Variants in FN1 observed in about 807,000 individuals in gnomAD.
FN1 encodes the protein fibronectin 1, also known as fibronectin.
FN1 carries 106 observed loss-of-function variants against 297.3 expected under a neutral mutation model. The ratio of observed to expected loss-of-function variants is 0.36; its 90% CI spans 0.30 to 0.42. The LOEUF (loss-of-function observed/expected upper bound fraction) is 0.42. Ranked by LOEUF, FN1 falls within the 10% of genes least tolerant of loss-of-function variation. The pLI is 1.00. For synonymous variants in FN1, 1,149 were observed against 1,152.6 expected (o/e 1.00, Z 0.06); for missense variants, 2,690 against 3,124.9 (o/e 0.86, Z 3.32).
chr2:215,418,022 A>G (rs1181090992), intron 12 of FN1, among the ~76,000 whole-genome samples: 1 of 152,166 alleles, frequency 6.6e-6, no homozygotes, highest in African/African-American at 2.4e-5. Context: ...AAACAAACAA[A>G]CCATTCATAT....
intron 32 of FN1, chr2:215,381,849 C>T: frequency 1.4e-5 from 5 of 348,466 alleles, no homozygotes; most frequent in South Asian, 1.2e-4. Context: ...TTCAAATGCC[C>T]CAAACATAAA....
intron 29 of FN1, chr2:215,384,473 C>A: frequency 2.1e-6 from 1 of 467,236 alleles, no homozygotes; most frequent in South Asian, 2.8e-5. Flanking sequence ...AGCCCTCAAC[C>A]CAGGATTGCA....
chr2:215,393,838 G>GT (rs1354034106), intron 24 of FN1: 10 of 153,044 alleles, frequency 6.5e-5, no homozygotes, highest in African/African-American at 2.4e-4. Flanking sequence ...TGTAATTAGC[G>GT]TTAGTAAAAG....
At position 215,372,216 on chromosome 2, in the gene FN1, C is replaced by G. The variant is rs761218868; in HGVS notation, c.6407G>C (p.Ser2136Thr). The change falls in exon 40 of 46, where the codon AGT becomes ACT. Residue 2136 changes from serine to threonine, a missense_variant. Around this residue, in one of 3 missense-constraint regions of FN1, gnomAD observed 1,743 missense variants for 1,945.2 expected, o/e 0.90. Transcript: ENST00000354785. ...QLPGTSGQQP[S>T]VGQQMIFEEH... ...CTCAAAGATCATTTGTTGCCCAACA[C>G]TGGGTTGCTGACCAGAAGTGCCAGG... 6.2e-7 allele frequency: 1 copy of G among 1,614,206 alleles called. No individual in the cohort carries two copies.
Position 215,430,820 on chromosome 2 carries a change from A to G in FN1, c.580T>C (p.Ser194Pro), listed in dbSNP as rs747216607. Reference sequence around the variant, plus strand: ...TCCCACGTTTCTCCGACCACATAGGAAGTCCCAGCAGCATGATCAAAACAC... The same window carrying G: ...TCCCACGTTTCTCCGACCACATAGGGAGTCCCAGCAGCATGATCAAAACAC... ...EKCFDHAAGT[S>P]YVVGETWEKP... Residue 194 changes from serine to proline, a missense_variant, in exon 5 of 46, where the codon TCC (serine) becomes CCC (proline). Transcript: ENST00000354785. 1 of 1,614,154 alleles carries G rather than the reference A, an allele frequency of 6.2e-7. No homozygotes were observed. The highest frequency in any genetic ancestry group is 1.1e-5 in the South Asian group (1 of 91,084).
At chr2:215,406,922 G>C (rs181219624) in intron 18 of FN1, among the ~76,000 whole-genome samples, 1 of 152,174 alleles carries the variant, frequency 6.6e-6, no homozygotes, top group Non-Finnish European at 1.5e-5. Context: ...GTAGATGGAC[G>C]TTATGGTGTC....
intron 5 of FN1, among the ~76,000 whole-genome samples, chr2:215,430,123 A>G (rs528005432): frequency 2.7e-4 from 41 of 152,348 alleles, no homozygotes; most frequent in African/African-American, 9.6e-4. Flanking sequence ...AACAGGTTCA[A>G]ATTATTTGGA....
intron 33 of FN1, chr2:215,380,574 T>G: frequency 3.5e-6 from 2 of 572,520 alleles, no homozygotes; most frequent in Non-Finnish European, 6.2e-6. Flanking sequence ...TCAAATGTCT[T>G]GCTTTATGGT....
Position 215,397,749 on chromosome 2 carries a change from C to T in FN1, c.3448G>A (p.Val1150Ile), listed in dbSNP as rs767986025. The T allele has an allele frequency of 5.1e-5, 83 of 1,613,398 alleles. 1 individual carries two copies. In the South Asian group the frequency reaches 6.9e-4, roughly 13 times the overall value. The part of the protein sequence containing the change: ...VSGLTPGVEY[V>I]YTIQVLRDGQ... The stretch of plus-strand genomic sequence containing the variant: ...TCTCTCAGGACTTGGATGGTGTAGA[C>T]GTATTCTACTCCTGGAGTCAAGCCG... Residue 1150 changes from valine (V) to isoleucine (I), a missense_variant, in exon 22 of 46, where the codon GTC becomes ATC. This residue lies in a region of FN1 where 1,743 missense variants were observed against 1,945.2 expected (regional missense o/e 0.90). Transcript: ENST00000354785.
In FN1 at chr2:215,394,596, T is replaced by C. The variant is rs774258594; in HGVS notation, c.3728A>G (p.Tyr1243Cys). 5.0e-6 allele frequency: 8 copies of C among 1,613,992 alleles called. No individual in the cohort carries two copies. The highest frequency in any genetic ancestry group is 2.7e-5 in the African/African-American group (2 of 74,926). Residue 1243 changes from tyrosine (Y) to cysteine (C), a missense_variant, in exon 24 of 46, where the codon TAC becomes TGC. Tyr to Cys is a radical substitution (Grantham distance 194). Transcript: ENST00000354785. The part of the protein sequence containing the change: ...TFDNLSPGLE[Y>C]NVSVYTVKDD... ...CTTGACAGTGTAAACACTGACATTGTACTCCAGGCCGGGACTCAGGTTATC... is the reference window on the plus strand; with the variant it reads ...CTTGACAGTGTAAACACTGACATTGCACTCCAGGCCGGGACTCAGGTTATC...
At chr2:215,381,835 GC>G in intron 32 of FN1, 1 of 346,798 alleles carries the variant, frequency 2.9e-6, no homozygotes, top group Non-Finnish European at 5.6e-6. Flanking sequence ...TCCAGCCATA[GC>G]CCTTCAAATG....
intron 15 of FN1, 88 bp downstream of exon 15, chr2:215,409,475 T>C (rs1435190461): frequency 4.8e-6 from 6 of 1,255,514 alleles, no homozygotes; most frequent in Non-Finnish European, 7.0e-6. Context: ...AAACCACAGA[T>C]ACCACCTGCC....
At chr2:215,368,066 TATTA>T in intron 41 of FN1, 39 bp from the exon 42 acceptor site, 1 of 1,605,254 alleles carries the variant, frequency 6.2e-7, no homozygotes, top group Non-Finnish European at 8.5e-7. Flanking sequence ...AGAGACATCT[TATTA>T]ATCGATTTGG....
intron 13 of FN1, among the ~76,000 whole-genome samples, chr2:215,413,511 A>G (rs529657410): frequency 2.0e-5 from 3 of 152,284 alleles, no homozygotes; most frequent in East Asian, 1.9e-4. Flanking sequence ...CCACAAGCCT[A>G]CTTTTTCCAT....
chr2:215,386,649 G>A (rs1482000869), intron 28 of FN1, 40 bp downstream of exon 28: 2 of 1,575,570 alleles, frequency 1.3e-6, no homozygotes, highest in African/African-American at 1.4e-5. Flanking sequence ...CAACTGGGTA[G>A]GAAAGTCTTC....
intron 45 of FN1, 74 bp downstream of exon 45, chr2:215,361,895 A>C: frequency 6.3e-7 from 1 of 1,585,206 alleles, no homozygotes; most frequent in Non-Finnish European, 8.6e-7. Flanking sequence ...CACTTGGTTC[A>C]TTCTGAAGAA....
Position 215,397,745 on chromosome 2 carries a change from T to G in FN1, c.3452A>C (p.Tyr1151Ser). Residue 1151 changes from tyrosine (Y) to serine (S), a missense_variant, in exon 22 of 46, where the codon TAC becomes TCC. Around this residue, in one of 3 missense-constraint regions of FN1, gnomAD observed 1,743 missense variants for 1,945.2 expected, o/e 0.90. Coordinates refer to ENST00000354785, the MANE Select transcript of FN1 (RefSeq NM_212482.4). The stretch of plus-strand genomic sequence containing the variant: ...TCCATCTCTCAGGACTTGGATGGTG[T>G]AGACGTATTCTACTCCTGGAGTCAA... The part of the protein sequence containing the change: ...SGLTPGVEYV[Y>S]TIQVLRDGQE... 1 of 1,614,110 alleles carries G rather than the reference T, an allele frequency of 6.2e-7. No homozygotes were observed. The highest frequency in any genetic ancestry group is 8.5e-7 in the Non-Finnish European group (1 of 1,179,938).
intron 43 of FN1, 119 bp downstream of exon 43, chr2:215,365,386 A>G: frequency 9.3e-7 from 1 of 1,078,306 alleles, no homozygotes; most frequent in East Asian, 2.4e-5. Flanking sequence ...TAAGAAACCC[A>G]CTGTTCACTC....
At chr2:215,394,279 G>A (rs952038779) in intron 24 of FN1, among the ~76,000 whole-genome samples, 3 of 152,194 alleles carry the variant, frequency 2.0e-5, no homozygotes, top group African/African-American at 4.8e-5. Context: ...TTAAAGCCAT[G>A]GCTGCCACTC....
Sources: allele counts gnomAD v4.1 joint callset (sites outside exome capture counted in the v4.1 genomes callset), GRCh38; gene constraint gnomAD v4.1.1; regional missense constraint gnomAD v4.1.1; transcripts MANE v1.5; gene names NCBI Gene and HGNC (gene_info 2026-07-23, HGNC 2026-07-21).